PLEKHG1: variants seen among roughly 807,000 people sequenced by gnomAD.
PLEKHG1 encodes the protein pleckstrin homology domain-containing family G member 1.
Under a neutral mutation model 100.8 loss-of-function variants are expected in PLEKHG1, and 44 were observed. The ratio of observed to expected loss-of-function variants is 0.44; its 90% CI spans 0.34 to 0.56. The LOEUF is 0.56. Ranked by LOEUF, PLEKHG1 falls within the 20% of genes least tolerant of loss-of-function variation. The pLI is 0.01. For synonymous variants in PLEKHG1, 640 were observed against 662.5 expected (o/e 0.97, Z 0.52); for missense variants, 1,545 against 1,720.9 (o/e 0.90, Z 1.81).
rs568199978 is a variant in PLEKHG1, at chr6:150,632,569, T to C, written c.-203-5511T>C. On this transcript the variant is annotated intron_variant, in intron 1 of 3. Transcript: ENST00000367326. ...TACCCCTCTACCTGGCCTCTCCCGC[T>C]TCCTCCATGCCCTGTTCTCAACAGG... 1.2e-3 allele frequency among the ~76,000 whole-genome samples: 185 copies of C among 152,342 alleles called. 1 individual carries two copies. The highest frequency in any genetic ancestry group is 3.9e-3 in the Admixed American group (60 of 15,308).
intron 1 of PLEKHG1, among the ~76,000 whole-genome samples, chr6:150,729,016 A>G (rs1782103233): frequency 6.6e-6 from 1 of 152,216 alleles, no homozygotes; most frequent in African/African-American, 2.4e-5. Context: ...ATTTTATTTC[A>G]TGTTTTTAGT....
At chr6:150,637,337 C>T (rs1778046209) in intron 1 of PLEKHG1, among the ~76,000 whole-genome samples, 1 of 150,776 alleles carries the variant, frequency 6.6e-6, no homozygotes, top group Admixed American at 6.6e-5. Context: ...CATTTCTCTG[C>T]TTTGGGGTTA....
intron 1 of PLEKHG1, among the ~76,000 whole-genome samples, chr6:150,723,621 G>T (rs759955049): frequency 6.6e-6 from 1 of 152,108 alleles, no homozygotes; most frequent in Non-Finnish European, 1.5e-5. Context: ...AAAGTAATGA[G>T]ACACATGAAA....
At chr6:150,684,093 T>A (rs533005806) in intron 3 of PLEKHG1, among the ~76,000 whole-genome samples, 1 of 152,300 alleles carries the variant, frequency 6.6e-6, no homozygotes, top group Admixed American at 6.5e-5. Flanking sequence ...AAGGCTGTGG[T>A]CCATGACTTC....
intron 3 of PLEKHG1, among the ~76,000 whole-genome samples, chr6:150,707,535 G>A (rs1317573300): frequency 6.6e-6 from 1 of 152,160 alleles, no homozygotes; most frequent in Admixed American, 6.5e-5. Context: ...ACACTGGGAA[G>A]TGCACAGCCA....
chr6:150,829,579 A>G (rs946160542), intron 14 of PLEKHG1, among the ~76,000 whole-genome samples: 1 of 152,190 alleles, frequency 6.6e-6, no homozygotes, highest in Non-Finnish European at 1.5e-5. Flanking sequence ...GATCATGCCA[A>G]GGGACCCAGG....
intron 3 of PLEKHG1, chr6:150,664,447 G>A (rs1779323186): frequency 6.6e-6 from 1 of 152,142 alleles, no homozygotes; most frequent in Admixed American, 6.5e-5. Flanking sequence ...AACAAATGCT[G>A]GGTAAGAAAC....
chr6:150,637,039 T>G (rs1473189882), intron 1 of PLEKHG1, among the ~76,000 whole-genome samples: 1 of 152,242 alleles, frequency 6.6e-6, no homozygotes, highest in Non-Finnish European at 1.5e-5. Flanking sequence ...GGAACCCCCT[T>G]GGTCCCAAGA....
intron 1 of PLEKHG1, among the ~76,000 whole-genome samples, chr6:150,724,568 T>A (rs9478800): frequency 9.5e-5 from 14 of 147,758 alleles, no homozygotes; most frequent in Admixed American, 8.0e-4. Flanking sequence ...CTTTTTTTTT[T>A]TTTTTTTTTG....
In PLEKHG1 at chr6:150,831,075, A is replaced by G; in HGVS notation, c.1964A>G (p.Asp655Gly). The G allele has an allele frequency of 6.2e-7, 1 of 1,614,016 alleles. No homozygotes were observed. The highest frequency in any genetic ancestry group is 8.5e-7 in the Non-Finnish European group (1 of 1,179,932). ...GGGTCATCCATAGAGTTGACTATTGATGACATAGACCATGTCTATGATAAC... is the reference window on the plus strand; with the variant it reads ...GGGTCATCCATAGAGTTGACTATTGGTGACATAGACCATGTCTATGATAAC... Residue 655 changes from aspartate to glycine, a missense_variant, in exon 15 of 16, where the codon GAT (aspartate) becomes GGT (glycine). Coordinates refer to ENST00000358517, the Ensembl canonical transcript of PLEKHG1. The surrounding 1 kb of genome is among the most constrained non-coding windows in gnomAD (Gnocchi z 4.1).
At chr6:150,822,228 A>G (rs1776349448) in intron 13 of PLEKHG1, among the ~76,000 whole-genome samples, 1 of 151,790 alleles carries the variant, frequency 6.6e-6, no homozygotes, top group Admixed American at 6.6e-5. Context: ...AAAATTTTAA[A>G]TGGCCATCCA....
chr6:150,759,713 CAAT>C (rs1278492896), intron 2 of PLEKHG1, among the ~76,000 whole-genome samples: 1 of 152,114 alleles, frequency 6.6e-6, no homozygotes, highest in Non-Finnish European at 1.5e-5. Context: ...AAAATAACAA[CAAT>C]GATGATTGCC....
intron 1 of PLEKHG1, among the ~76,000 whole-genome samples, chr6:150,724,851 G>A (rs895835549): frequency 8.5e-5 from 13 of 152,140 alleles, no homozygotes; most frequent in Admixed American, 2.6e-4. Context: ...ATGGGCCACC[G>A]CGCCTGGCCT....
exon 6 of PLEKHG1, chr6:150,800,738 G>C (rs1216560003): frequency 1.2e-6 from 2 of 1,613,904 alleles, no homozygotes; most frequent in African/African-American, 2.7e-5. Context: ...TGTGCTAACA[G>C]AGTGTATGAG....
chr6:150,607,914 G>A (rs1485428671), intron 1 of PLEKHG1, among the ~76,000 whole-genome samples: 1 of 152,134 alleles, frequency 6.6e-6, no homozygotes, highest in East Asian at 1.9e-4. Flanking sequence ...GTTCATGGAG[G>A]AAAACCTTGG....
rs1035608776 is a variant in PLEKHG1, at chr6:150,809,366, C to T, written c.1096-15C>T. 2 of 1,612,244 alleles carry T rather than the reference C, an allele frequency of 1.2e-6. No individual in the cohort carries two copies. The highest frequency in any genetic ancestry group is 2.7e-5 in the African/African-American group (2 of 74,886). On this transcript the variant is annotated splice_polypyrimidine_tract_variant and intron_variant, in intron 8 of 15. Transcript: ENST00000358517. ...TCCTGAGTGTGCCTCACCCTCTCTG[C>T]TCTCTCTGCTCTAGTGTGGCAACCT...
chr6:150,840,998 T>G, exon 16 of PLEKHG1: 1 of 916,884 alleles, frequency 1.1e-6, no homozygotes, highest in South Asian at 1.3e-5. Context: ...AACAATTTTG[T>G]AAGAACCAGA....
At chr6:150,830,367 A>G (rs558024136) in intron 14 of PLEKHG1, among the ~76,000 whole-genome samples, 1 of 152,288 alleles carries the variant, frequency 6.6e-6, no homozygotes, top group Admixed American at 6.5e-5. Flanking sequence ...TCACACCTGT[A>G]GTGCCAGCTA....
rs1224016499 is a variant in PLEKHG1 at position 150,702,184 on chromosome 6, G to A, written c.-98-31400G>A. Among the ~76,000 whole-genome samples the A allele has an allele frequency of 3.9e-5, 6 of 152,324 alleles. No homozygotes were observed. The East Asian group carries it at 1.2e-3, about 29-fold the overall frequency. ...ACAACAGAGTGGTTGTTAAAGTTAT[G>A]TTGTAGGCTGGGCGCAGTGGCTCAT... is the stretch of plus-strand genomic sequence containing the variant. On this transcript the variant is annotated intron_variant, in intron 3 of 3. Coordinates refer to the PLEKHG1 transcript ENST00000367326.
Sources: allele counts gnomAD v4.1 joint callset (sites outside exome capture counted in the v4.1 genomes callset), GRCh38; gene constraint gnomAD v4.1.1; non-coding constraint Gnocchi (gnomAD v3.1); transcripts MANE v1.5; gene names NCBI Gene and HGNC (gene_info 2026-07-23, HGNC 2026-07-21).